ETNK1: variants seen among roughly 807,000 people sequenced by gnomAD.
The protein encoded by ETNK1 is ethanolamine kinase 1, also known as putative protein product of Nbla10396.
A neutral mutation model predicts 45.1 loss-of-function variants in ETNK1; 8 were observed. The ratio of observed to expected loss-of-function variants is 0.18; its 90% CI spans 0.10 to 0.32. ETNK1 has a LOEUF of 0.32. ETNK1 is among the 10% of genes least tolerant of loss of function. ETNK1 has a pLI of 1.00. For synonymous variants in ETNK1, 152 were observed against 151.9 expected, an observed-to-expected ratio of 1.00 and a Z score of -0.01; for missense variants, 302 against 430.6, an observed-to-expected ratio of 0.70 and a Z score of 2.64.
intron 6 of ETNK1, among the ~76,000 whole-genome samples, chr12:22,676,891 G>A (rs937142076): frequency 6.6e-6 from 1 of 151,104 alleles, no homozygotes; most frequent in Non-Finnish European, 1.5e-5. Context: ...TAAGTTTTTT[G>A]TAGATTCTGG....
chr12:22,635,827 G>A (rs2137522737), intron 1 of ETNK1, among the ~76,000 whole-genome samples: 1 of 152,220 alleles, frequency 6.6e-6, no homozygotes, highest in Admixed American at 6.5e-5. Flanking sequence ...TTCATCCTTT[G>A]ATATTTGTTG....
chr12:22,627,137 GGTTA>G (rs1953512269), intron 1 of ETNK1, among the ~76,000 whole-genome samples: 1 of 146,528 alleles, frequency 6.8e-6, no homozygotes, highest in South Asian at 2.1e-4. Flanking sequence ...GCTACTGTGG[GGTTA>G]GTTAAATTAT....
chr12:22,653,649 G>A (rs1250393535), intron 2 of ETNK1, among the ~76,000 whole-genome samples: 1 of 151,938 alleles, frequency 6.6e-6, no homozygotes, highest in Admixed American at 6.6e-5. Flanking sequence ...TTCCTTTCTA[G>A]ATTGTTCATT....
chr12:22,646,283 C>T (rs575671422), intron 2 of ETNK1, among the ~76,000 whole-genome samples: 2 of 151,748 alleles, frequency 1.3e-5, no homozygotes, highest in African/African-American at 2.4e-5. Flanking sequence ...ATTAACAAAA[C>T]GTCTGAGTTA....
At chr12:22,656,960 TCTC>T (rs1405201154) in intron 2 of ETNK1, 1 of 336,674 alleles carries the variant, frequency 3.0e-6, no homozygotes, top group South Asian at 1.2e-4. Context: ...TTCCTCCTCT[TCTC>T]TGAAGTTTTA....
Position 22,641,368 on chromosome 12 carries a change from A to T in ETNK1, c.157-2395A>T, listed in dbSNP as rs574091926. ...GACTGGAAAAGAGCAGCAGTCACTCATATTAGCCAGGATAAGGAGGTATTT... is the reference window on the plus strand; with the variant it reads ...GACTGGAAAAGAGCAGCAGTCACTCTTATTAGCCAGGATAAGGAGGTATTT... On this transcript the variant is annotated intron_variant, in intron 1 of 7. Transcript: ENST00000266517. Among the ~76,000 whole-genome samples the T allele has an allele frequency of 2.0e-5, 3 of 152,314 alleles. No individual in the cohort carries two copies. In the South Asian group the frequency reaches 6.2e-4, roughly 32 times the overall value.
At chr12:22,645,592 A>T (rs1328643933) in intron 2 of ETNK1, among the ~76,000 whole-genome samples, 1 of 151,608 alleles carries the variant, frequency 6.6e-6, no homozygotes, top group African/African-American at 2.4e-5. Context: ...TTTTTTATTG[A>T]TATATCATAG....
chr12:22,644,381 C>A, intron 2 of ETNK1: 1 of 1,354,676 alleles, frequency 7.4e-7, no homozygotes, highest in Non-Finnish European at 9.6e-7. Flanking sequence ...TTTCAGAGTT[C>A]TTGCCTATTA....
At position 22,669,287 on chromosome 12, in the gene ETNK1, T is replaced by G. The variant is rs546230211; in HGVS notation, c.701-1985T>G. On this transcript the variant is annotated intron_variant, in intron 4 of 7. Transcript: ENST00000266517. ...CTCTTTTAAAATAACTTTTTTCCTT[T>G]AATTTATTTCTATTACTTATTGTAC... Among the ~76,000 whole-genome samples, 21 of 152,096 alleles carry G rather than the reference T, an allele frequency of 1.4e-4. 1 individual carries two copies. Among genetic ancestry groups the G allele is most frequent in the African/African-American group, 4.8e-4 (20 of 41,532 alleles).
intron 4 of ETNK1, among the ~76,000 whole-genome samples, chr12:22,666,432 C>G (rs734775): frequency 1.3e-5 from 2 of 152,002 alleles, no homozygotes; most frequent in East Asian, 3.9e-4. Flanking sequence ...GTAATATTGC[C>G]TATGACTAAC....
At chr12:22,671,564 C>A (rs914638509) in intron 5 of ETNK1, among the ~76,000 whole-genome samples, 1 of 152,018 alleles carries the variant, frequency 6.6e-6, no homozygotes, top group African/African-American at 2.4e-5. Context: ...GGTGGCCGGG[C>A]GCGGTGGCTC....
chr12:22,655,927 T>A (rs552851489), intron 2 of ETNK1, among the ~76,000 whole-genome samples: 2 of 152,188 alleles, frequency 1.3e-5, no homozygotes, highest in Non-Finnish European at 2.9e-5. Flanking sequence ...TATAGGGGTG[T>A]TCTATAGTGA....
chr12:22,642,866 A>C (rs1179980106), intron 1 of ETNK1, among the ~76,000 whole-genome samples: 1 of 152,070 alleles, frequency 6.6e-6, no homozygotes, highest in African/African-American at 2.4e-5. Flanking sequence ...TGTCAGATTA[A>C]TACAGAGGAA....
Position 22,625,460 on chromosome 12 carries a change from C to T in ETNK1, c.30C>T (p.Gly10=). MANYIHVPP[G]SPEVPKLNVT... is the part of the protein sequence containing the mutation. ...CCAATTACATCCACGTCCCTCCCGGCTCCCCGGAGGTGCCCAAGCTGAACG... is the reference window on the plus strand; with the variant it reads ...CCAATTACATCCACGTCCCTCCCGGTTCCCCGGAGGTGCCCAAGCTGAACG... Residue 10 remains glycine (G), a synonymous_variant, in exon 1 of 8, where the codon GGC becomes GGT. Transcript: ENST00000266517. The T allele has an allele frequency of 6.3e-7, 1 of 1,598,836 alleles. No individual in the cohort carries two copies. Among genetic ancestry groups the T allele is most frequent in the Non-Finnish European group, 8.5e-7 (1 of 1,173,200 alleles).
At chr12:22,649,162 C>G (rs1237984838) in intron 2 of ETNK1, among the ~76,000 whole-genome samples, 1 of 151,908 alleles carries the variant, frequency 6.6e-6, no homozygotes, top group Admixed American at 6.6e-5. Flanking sequence ...CCAATCTGTG[C>G]TTTATCTTTT....
At position 22,684,425 on chromosome 12, in the gene ETNK1, T is replaced by C. The variant is rs1341246458; in HGVS notation, c.946-58T>C. 19 of 1,167,170 alleles carry C rather than the reference T, an allele frequency of 1.6e-5. No homozygotes were observed. In the East Asian group the frequency reaches 4.0e-4, roughly 24 times the overall value. 72.3% of individuals were successfully genotyped at this position (1,167,170 alleles called of 1,614,324 possible). A position where few individuals can be genotyped will look rare whatever the true frequency, so the allele number is the denominator to read the frequency against. On this transcript the variant is annotated intron_variant, in intron 6 of 7. Coordinates refer to ENST00000266517, the MANE Select transcript of ETNK1 (RefSeq NM_018638.5). The stretch of plus-strand genomic sequence containing the variant: ...TAGAGGATAGAATTAGCAATTCATA[T>C]GTGTTTTACAGAGAAATTCATTATC...
At chr12:22,669,859 G>A (rs775481790) in intron 4 of ETNK1, among the ~76,000 whole-genome samples, 4 of 151,842 alleles carry the variant, frequency 2.6e-5, no homozygotes, top group Admixed American at 1.3e-4. Flanking sequence ...TTGAATTGCC[G>A]TGATTTATTG....
At chr12:22,669,234 T>G (rs959248077) in intron 4 of ETNK1, among the ~76,000 whole-genome samples, 1 of 152,154 alleles carries the variant, frequency 6.6e-6, no homozygotes, top group Non-Finnish European at 1.5e-5. Flanking sequence ...GTCTTTTTAC[T>G]GATAGTTTTG....
chr12:22,626,147 T>G (rs934622263), intron 1 of ETNK1: 1 of 228,430 alleles, frequency 4.4e-6, no homozygotes, highest in African/African-American at 2.3e-5. Flanking sequence ...CATTGTTTTG[T>G]TTGAGTCGAT....
Sources: gnomAD v4.1 joint callset for allele counts (sites outside exome capture counted in the v4.1 genomes callset) on GRCh38, gnomAD v4.1.1 for gene constraint, MANE v1.5 for transcripts, NCBI Gene and HGNC (gene_info 2026-07-23, HGNC 2026-07-21) for gene names.